The following LEPR variants were observed in gnomAD, a reference collection of about 807,000 sequenced individuals.
LEPR encodes the protein OB receptor.
LEPR carries 56 observed loss-of-function variants against 114.7 expected under a neutral mutation model. The observed-to-expected ratio is 0.49, with a 90% CI of 0.39 to 0.61. The LOEUF (loss-of-function observed/expected upper bound fraction) is 0.61, where lower values mean the gene tolerates loss of function less well. Among genes scored for constraint, LEPR ranks in the 20% least tolerant of loss-of-function variants. The pLI is 0.00. For missense variants in LEPR, 1,202 were observed against 1,352.9 expected, an observed-to-expected ratio of 0.89 and a Z score of 1.75; for synonymous variants, 443 against 461.4, an observed-to-expected ratio of 0.96 and a Z score of 0.51.
chr1:65,507,769 G>A (rs569759493), intron 2 of LEPR, among the ~76,000 whole-genome samples: 7 of 152,098 alleles, frequency 4.6e-5, no homozygotes, highest in Non-Finnish European at 1.0e-4. Context: ...ACTTCATACT[G>A]TTTTTCAAAA....
chr1:65,477,687 C>G (rs1647174748), intron 2 of LEPR, among the ~76,000 whole-genome samples: 2 of 152,192 alleles, frequency 1.3e-5, no homozygotes, highest in Non-Finnish European at 2.9e-5. Flanking sequence ...CAAATGGGTT[C>G]AACAGGAATG....
In LEPR at chr1:65,572,488, A is replaced by G. The variant is rs1435506187; in HGVS notation, c.494+39A>G. The stretch of plus-strand genomic sequence containing the variant: ...AATTAATTTGGCATTTCTAATACAC[A>G]GTTTTTTTAAAAGAGCTTTCATATA... On this transcript the variant is annotated intron_variant, in intron 5 of 19. Coordinates refer to ENST00000349533, the MANE Select transcript of LEPR (RefSeq NM_002303.6). The G allele has an allele frequency of 5.8e-6, 9 of 1,548,898 alleles. No individual in the cohort carries two copies. The Admixed American group carries it at 1.2e-4, about 21-fold the overall frequency.
At chr1:65,566,647 T>C (rs1474646849) in intron 3 of LEPR, among the ~76,000 whole-genome samples, 1 of 152,242 alleles carries the variant, frequency 6.6e-6, no homozygotes, top group African/African-American at 2.4e-5. Context: ...TTAACAAAAC[T>C]TATGTGATTT....
In LEPR at chr1:65,570,666, C is replaced by T; in HGVS notation, c.234C>T (p.His78=). Residue 78 remains histidine, a synonymous_variant, in exon 4 of 20, where the codon CAC becomes CAT. Transcript: ENST00000349533. Reference sequence around the variant, plus strand: ...CTAAGTTTAATTCAAGTGGTACTCACTTTTCTAACTTATCCAAAACAACTT... The same window carrying T: ...CTAAGTTTAATTCAAGTGGTACTCATTTTTCTAACTTATCCAAAACAACTT... ...VEPKFNSSGT[H]FSNLSKTTFH... is the part of the protein sequence containing the mutation. 2 of 1,613,938 alleles carry T rather than the reference C, an allele frequency of 1.2e-6. No homozygotes were observed. The highest frequency in any genetic ancestry group is 3.3e-5 in the Admixed American group (2 of 60,016).
intron 2 of LEPR, among the ~76,000 whole-genome samples, chr1:65,455,845 T>G (rs892903966): frequency 8.5e-5 from 13 of 152,246 alleles, no homozygotes; most frequent in Non-Finnish European, 1.6e-4. Flanking sequence ...GTTTACCTAA[T>G]CAAGCCTGGA....
At chr1:65,485,192 G>A (rs772256774) in intron 2 of LEPR, among the ~76,000 whole-genome samples, 2 of 152,102 alleles carry the variant, frequency 1.3e-5, no homozygotes, top group Non-Finnish European at 2.9e-5. Context: ...CATCCATAAA[G>A]CATTTCTTCA....
intron 8 of LEPR, among the ~76,000 whole-genome samples, chr1:65,600,385 A>G (rs1010483451): frequency 1.3e-5 from 2 of 152,072 alleles, no homozygotes; most frequent in African/African-American, 4.8e-5. Flanking sequence ...CAAAACACAA[A>G]TGTTTTGTAT....
At position 65,637,077 on chromosome 1, in the gene LEPR, A is replaced by G; in HGVS notation, c.*62A>G. ...GGTAATATAAAGTGTAATAGATTAT[A>G]GTTGTGGGTGGGAGAGAGAAAAGAA... On this transcript the variant is annotated 3_prime_UTR_variant, in exon 20 of 20. Coordinates refer to ENST00000349533, the MANE Select transcript of LEPR (RefSeq NM_002303.6). The G allele has an allele frequency of 8.0e-7, 1 of 1,248,010 alleles. No homozygotes were observed. Among genetic ancestry groups the G allele is most frequent in the Non-Finnish European group, 1.1e-6 (1 of 920,278 alleles). 77.3% of individuals were successfully genotyped at this position (1,248,010 alleles called of 1,614,324 possible). A position where few individuals can be genotyped will look rare whatever the true frequency, so the allele number is the denominator to read the frequency against.
chr1:65,639,491 G>A lies in LEPR; in HGVS notation c.*2476G>A, dbSNP rs1164413149. The A allele has an allele frequency of 6.6e-6, 1 of 152,012 alleles. No homozygotes were observed. The highest frequency in any genetic ancestry group is 2.4e-5 in the African/African-American group (1 of 41,354). 9.4% of individuals were successfully genotyped at this position (152,012 alleles called of 1,614,324 possible). On this transcript the variant is annotated 3_prime_UTR_variant, in exon 20 of 20. Coordinates refer to ENST00000349533, the MANE Select transcript of LEPR (RefSeq NM_002303.6). Reference sequence around the variant, plus strand: ...TATTGGGACCTTGTGAAAACTACCTGCCATGAAATACTGGATTTTCACATA... The same window carrying A: ...TATTGGGACCTTGTGAAAACTACCTACCATGAAATACTGGATTTTCACATA...
Position 65,601,434 on chromosome 1 carries a change from C to T in LEPR, c.1037C>T (p.Ser346Phe). The change falls in exon 9 of 20, where the codon TCT becomes TTT. Residue 346 changes from serine to phenylalanine, a missense_variant. Ser to Phe is a radical substitution (Grantham distance 155). Transcript: ENST00000349533. ...CCTAAAATTCTGACAAGTGTTGGGT[C>T]TAATGTTTCTTTTCACTGCATCTAT... ...FPPKILTSVG[S>F]NVSFHCIYKK... 2 of 1,613,404 alleles carry T rather than the reference C, an allele frequency of 1.2e-6. No homozygotes were observed. Among genetic ancestry groups the T allele is most frequent in the South Asian group, 2.2e-5 (2 of 91,034 alleles).
chr1:65,481,865 C>A (rs1570533965), intron 2 of LEPR, among the ~76,000 whole-genome samples: 1 of 142,430 alleles, frequency 7.0e-6, no homozygotes, highest in African/African-American at 2.6e-5. Context: ...AAACCCTAAA[C>A]AAAAACAAGA....
At chr1:65,468,953 G>A (rs764482150) in intron 2 of LEPR, among the ~76,000 whole-genome samples, 5 of 152,310 alleles carry the variant, frequency 3.3e-5, no homozygotes, top group East Asian at 1.9e-4. Flanking sequence ...TTTGCTGTGC[G>A]GGAAGGTGAA....
At chr1:65,429,751 T>G in intron 2 of LEPR, 1 of 941,390 alleles carries the variant, frequency 1.1e-6, no homozygotes, top group Admixed American at 2.8e-5. Flanking sequence ...ATTAATTAAT[T>G]TTTTGACCTA....
chr1:65,534,664 G>T (rs910064031), intron 2 of LEPR, among the ~76,000 whole-genome samples: 1 of 152,208 alleles, frequency 6.6e-6, no homozygotes, highest in Non-Finnish European at 1.5e-5. Context: ...GAATGAATGA[G>T]AGTGAGTGCA....
chr1:65,515,759 A>G (rs916458844), intron 2 of LEPR, among the ~76,000 whole-genome samples: 4 of 152,242 alleles, frequency 2.6e-5, no homozygotes, highest in Non-Finnish European at 5.9e-5. Context: ...GTATTGTATA[A>G]TGAGCACTAT....
chr1:65,565,894 T>G (rs577267303), intron 3 of LEPR, among the ~76,000 whole-genome samples: 4 of 151,446 alleles, frequency 2.6e-5, no homozygotes, highest in Non-Finnish European at 4.4e-5. Flanking sequence ...CACACACACA[T>G]ACACAGACAC....
intron 5 of LEPR, among the ~76,000 whole-genome samples, chr1:65,582,412 G>C (rs1321355088): frequency 6.6e-6 from 1 of 152,146 alleles, no homozygotes; most frequent in Non-Finnish European, 1.5e-5. Flanking sequence ...TGGGATGTTG[G>C]ACTGAGGGCC....
chr1:65,481,700 A>G (rs1647244877), intron 2 of LEPR, among the ~76,000 whole-genome samples: 1 of 152,010 alleles, frequency 6.6e-6, no homozygotes, highest in African/African-American at 2.4e-5. Context: ...AGCAATATGT[A>G]TAGGAATTAA....
At chr1:65,525,701 G>T (rs933083759) in intron 2 of LEPR, 7 of 985,604 alleles carry the variant, frequency 7.1e-6, no homozygotes, top group Non-Finnish European at 8.4e-6. Context: ...CTTGGGCGAG[G>T]AGTTCGGAGC....
Sources: allele counts gnomAD v4.1 joint callset (sites outside exome capture counted in the v4.1 genomes callset), GRCh38; gene constraint gnomAD v4.1.1; transcripts MANE v1.5; gene names NCBI Gene and HGNC (gene_info 2026-07-23, HGNC 2026-07-21).